DOCK3: variants seen among roughly 807,000 people sequenced by gnomAD.
The protein encoded by DOCK3 is dedicator of cytokinesis protein 3.
Under a neutral mutation model 265.6 loss-of-function variants are expected in DOCK3, and 60 were observed. That is an observed-to-expected ratio of 0.23 (90% confidence interval 0.18 to 0.28). DOCK3 has a LOEUF of 0.28. Among genes scored for constraint, DOCK3 ranks in the 10% least tolerant of loss-of-function variants. The pLI, the probability that DOCK3 is intolerant of heterozygous loss-of-function variation, is 1.00. For missense variants in DOCK3, 1,981 were observed against 2,594.3 expected (o/e 0.76, Z 5.14); for synonymous variants, 881 against 938.0 (o/e 0.94, Z 1.11).
At chr3:51,342,591 C>T (rs1233932390) in intron 38 of DOCK3, among the ~76,000 whole-genome samples, 2 of 152,236 alleles carry the variant, frequency 1.3e-5, no homozygotes, top group Non-Finnish European at 2.9e-5. Context: ...ATGTGTGCTT[C>T]TAGTGCATTC....
intron 1 of DOCK3, among the ~76,000 whole-genome samples, chr3:50,715,842 T>G (rs1467474630): frequency 1.3e-5 from 2 of 152,130 alleles, no homozygotes; most frequent in Admixed American, 1.3e-4. Flanking sequence ...GCCATTCATG[T>G]TAAGGAGGAT....
intron 1 of DOCK3, among the ~76,000 whole-genome samples, chr3:50,676,567 G>C (rs1423125630): frequency 3.3e-5 from 5 of 152,172 alleles, no homozygotes; most frequent in African/African-American, 1.2e-4. Context: ...TTGATTCTGT[G>C]AAGTGAGGAG....
intron 6 of DOCK3, among the ~76,000 whole-genome samples, chr3:51,074,744 G>T (rs985613482): frequency 1.3e-5 from 2 of 152,034 alleles, no homozygotes; most frequent in Admixed American, 1.3e-4. Flanking sequence ...ATTTCTAGGT[G>T]GTGGGTTGTG....
At position 51,338,974 on chromosome 3, in the gene DOCK3, A is replaced by G; in HGVS notation, c.3712A>G (p.Ile1238Val). The G allele has an allele frequency of 1.2e-6, 2 of 1,611,380 alleles. No individual in the cohort carries two copies. The highest frequency in any genetic ancestry group is 1.7e-6 in the Non-Finnish European group (2 of 1,178,672). ...TGAGATTAACAAGGAAGAAATGTAT[A>G]TCCGCTACATCCATAAGCTTTGTGA... ...KSEINKEEMYIRYIHKLCDMH... is the reference protein window; with the variant it reads ...KSEINKEEMYVRYIHKLCDMH... The change falls in exon 37 of 53, where the codon ATC (isoleucine) becomes GTC (valine). Residue 1238 changes from isoleucine to valine, a missense_variant. Physicochemically the swap from Ile to Val is conservative, Grantham distance 29. Coordinates refer to ENST00000266037, the MANE Select transcript of DOCK3 (RefSeq NM_004947.5).
Position 50,938,897 on chromosome 3 carries a change from AT to A in DOCK3, c.315+4821del, listed in dbSNP as rs529002765. Among the ~76,000 whole-genome samples, 237 of 151,438 alleles carry A rather than the reference AT, an allele frequency of 1.6e-3. 3 individuals carry two copies. The highest frequency in any genetic ancestry group is 5.4e-3 in the African/African-American group (224 of 41,218). On this transcript the variant is annotated intron_variant, in intron 5 of 52. Transcript: ENST00000266037. ...CACAGTGAGACTCTGTAAAAAAAAA[AT>A]AATAATAATAATCCAAAGCAAGCAG...
chr3:50,710,744 A>G (rs1286702022), intron 1 of DOCK3, among the ~76,000 whole-genome samples: 1 of 152,244 alleles, frequency 6.6e-6, no homozygotes, highest in East Asian at 1.9e-4. Context: ...TTGCAAAAAT[A>G]AGGAACCAGC....
intron 2 of DOCK3, among the ~76,000 whole-genome samples, chr3:50,807,179 A>T (rs1325939594): frequency 6.7e-6 from 1 of 149,868 alleles, no homozygotes; most frequent in Non-Finnish European, 1.5e-5. Context: ...TTTATTTTTT[A>T]CCTTTGTTGG....
intron 49 of DOCK3, among the ~76,000 whole-genome samples, chr3:51,368,511 G>T (rs951963803): frequency 3.3e-5 from 5 of 152,210 alleles, no homozygotes; most frequent in Admixed American, 1.3e-4. Context: ...TGTGGGAGGG[G>T]CATCCGCCAT....
In DOCK3 at chr3:51,195,047, G is replaced by A. The variant is rs917963018; in HGVS notation, c.1038-13727G>A. On this transcript the variant is annotated intron_variant, in intron 12 of 52. Transcript: ENST00000266037. ...TCACCATGTTGGCCAGGATGGTCTC[G>A]ATCTCTTGACCTCATGATCCGCCCA... Among the ~76,000 whole-genome samples, 16 of 151,920 alleles carry A rather than the reference G, an allele frequency of 1.1e-4. No homozygotes were observed. The East Asian group carries it at 2.7e-3, about 26-fold the overall frequency.
chr3:51,380,392 A>T (rs548944391), intron 52 of DOCK3, among the ~76,000 whole-genome samples, 185 bp downstream of exon 52: 1 of 152,326 alleles, frequency 6.6e-6, no homozygotes, highest in Admixed American at 6.5e-5. Context: ...GTCCTGCAGC[A>T]AATGTGATGG....
intron 9 of DOCK3, among the ~76,000 whole-genome samples, chr3:51,093,880 A>C (rs985866705): frequency 1.3e-5 from 2 of 152,160 alleles, no homozygotes; most frequent in Admixed American, 6.5e-5. Context: ...AGCATGAAGC[A>C]GTGTTTAATT....
chr3:51,328,260 A>G (rs189721943), intron 32 of DOCK3, among the ~76,000 whole-genome samples: 32 of 152,096 alleles, frequency 2.1e-4, no homozygotes, highest in Non-Finnish European at 3.2e-4. Flanking sequence ...CCCTCCCCAC[A>G]TTTTTGCTCT....
intron 19 of DOCK3, among the ~76,000 whole-genome samples, chr3:51,230,010 G>C (rs1239523459): frequency 6.6e-6 from 1 of 152,160 alleles, no homozygotes; most frequent in Admixed American, 6.5e-5. Flanking sequence ...ATTTCACTTA[G>C]CTTAATGTCC....
chr3:51,127,348 C>T (rs962396247), intron 9 of DOCK3, among the ~76,000 whole-genome samples: 1 of 152,156 alleles, frequency 6.6e-6, no homozygotes, highest in East Asian at 1.9e-4. Context: ...TATTAACCAT[C>T]ACAAGTCCAC....
At chr3:51,177,679 G>A (rs930836017) in intron 12 of DOCK3, among the ~76,000 whole-genome samples, 1 of 152,008 alleles carries the variant, frequency 6.6e-6, no homozygotes, top group African/African-American at 2.4e-5. Flanking sequence ...ACATAAATAG[G>A]ATGAAAAAAT....
At chr3:51,017,723 T>A (rs2079409733) in intron 5 of DOCK3, among the ~76,000 whole-genome samples, 1 of 151,816 alleles carries the variant, frequency 6.6e-6, no homozygotes, top group Non-Finnish European at 1.5e-5. Context: ...GAGAGGATAC[T>A]TGATGTTTTA....
chr3:50,885,553 G>C (rs1458140392), intron 3 of DOCK3, among the ~76,000 whole-genome samples: 1 of 152,068 alleles, frequency 6.6e-6, no homozygotes, highest in African/African-American at 2.4e-5. Flanking sequence ...ATCCTCACTA[G>C]TATGCCATTA....
At chr3:51,304,161 G>T (rs2082514459) in intron 27 of DOCK3, among the ~76,000 whole-genome samples, 1 of 152,154 alleles carries the variant, frequency 6.6e-6, no homozygotes, top group African/African-American at 2.4e-5. Context: ...AGAAGAATGG[G>T]TCAGGGTCCG....
intron 5 of DOCK3, among the ~76,000 whole-genome samples, chr3:51,056,867 G>A (rs755872282): frequency 1.3e-5 from 2 of 152,104 alleles, no homozygotes; most frequent in African/African-American, 2.4e-5. Context: ...CAACAACATT[G>A]GAAGGAAACA....
Sources: gnomAD v4.1 joint callset for allele counts (sites outside exome capture counted in the v4.1 genomes callset) on GRCh38, gnomAD v4.1.1 for gene constraint, MANE v1.5 for transcripts, NCBI Gene and HGNC (gene_info 2026-07-23, HGNC 2026-07-21) for gene names.